MLLT3: variants seen among roughly 807,000 people sequenced by gnomAD.
The protein encoded by MLLT3 is protein AF-9.
Under a neutral mutation model 53.2 loss-of-function variants are expected in MLLT3, and 4 were observed. The observed-to-expected ratio is 0.08, with a 90% confidence interval of 0.04 to 0.17. The LOEUF is 0.17. Among genes scored for constraint, MLLT3 ranks in the 10% least tolerant of loss-of-function variants. The pLI is 1.00. For synonymous variants in MLLT3, 283 were observed against 230.6 expected, an observed-to-expected ratio of 1.23 and a Z score of -2.06; for missense variants, 569 against 684.0, an observed-to-expected ratio of 0.83 and a Z score of 1.87.
At chr9:20,381,959 G>A (rs1821919144) in intron 5 of MLLT3, among the ~76,000 whole-genome samples, 1 of 151,804 alleles carries the variant, frequency 6.6e-6, no homozygotes, top group East Asian at 1.9e-4. Flanking sequence ...ATAATCATGA[G>A]TTAAAAAATG....
rs909798958 is a variant in MLLT3 at position 20,435,915 on chromosome 9, T to C, written c.420+12208A>G. 2.6e-5 allele frequency among the ~76,000 whole-genome samples: 4 copies of C among 152,128 alleles called. No individual in the cohort carries two copies. In the East Asian group the frequency reaches 5.8e-4, roughly 22 times the overall value. Reference sequence around the variant, plus strand: ...ATAAATGCTAAGGACTGTACACGCATGGCGGGGTAGTGGAATATGACTATA... The same window carrying C: ...ATAAATGCTAAGGACTGTACACGCACGGCGGGGTAGTGGAATATGACTATA... On this transcript the variant is annotated intron_variant, in intron 4 of 10. Transcript: ENST00000380338.
chr9:20,518,316 A>C (rs1817969114), intron 2 of MLLT3, among the ~76,000 whole-genome samples: 1 of 152,236 alleles, frequency 6.6e-6, no homozygotes, highest in East Asian at 1.9e-4. Flanking sequence ...ATTGCACTCC[A>C]ACCTGGGCAA....
Position 20,590,176 on chromosome 9 carries a change from A to T in MLLT3, c.193+30478T>A, listed in dbSNP as rs1375267573. ...TTAGTAGGCTTCCAGAGCTGTAATT[A>T]CACACATTTCAATGGGCGTCAACTC... is the stretch of plus-strand genomic sequence containing the variant. On this transcript the variant is annotated intron_variant, in intron 2 of 10. Transcript: ENST00000380338. 2.6e-5 allele frequency among the ~76,000 whole-genome samples: 4 copies of T among 152,176 alleles called. No homozygotes were observed. In the South Asian group the frequency reaches 8.3e-4, roughly 32 times the overall value.
Position 20,414,330 on chromosome 9 carries a change from G to GCTA in MLLT3, c.515_516insTAG (p.Ser190dup). The GCTA allele has an allele frequency of 6.2e-7, 1 of 1,606,662 alleles. No homozygotes were observed. The highest frequency in any genetic ancestry group is 8.5e-7 in the Non-Finnish European group (1 of 1,177,930). Reference sequence around the variant, plus strand: ...TGCTGCTACTGCTGCTGCTGCTGCTGCTGCTGCTGCTGCTACTGCTGCTGC... The same window carrying GCTA: ...TGCTGCTACTGCTGCTGCTGCTGCTGCTACTGCTGCTGCTGCTACTGCTGCTGC... On this transcript the variant is annotated inframe_insertion, in exon 5 of 11. Transcript: ENST00000380338.
chr9:20,456,920 G>A (rs909465923), intron 2 of MLLT3, 134 bp from the exon 3 acceptor site: 1 of 619,640 alleles, frequency 1.6e-6, no homozygotes, highest in Non-Finnish European at 2.8e-6. Context: ...ACTCCCAGTT[G>A]AGTCTCCGAT....
chr9:20,517,593 T>C lies in MLLT3; in HGVS notation c.194-60807A>G, dbSNP rs530873388. On this transcript the variant is annotated intron_variant, in intron 2 of 10. Coordinates refer to ENST00000380338, the MANE Select transcript of MLLT3 (RefSeq NM_004529.4). Reference sequence around the variant, plus strand: ...GGCTCACGCCTATTATCCCAGCACTTTGGGAGGCTGAGGCAGATGGATCAC... The same window carrying C: ...GGCTCACGCCTATTATCCCAGCACTCTGGGAGGCTGAGGCAGATGGATCAC... Among the ~76,000 whole-genome samples the C allele has an allele frequency of 1.2e-3, 181 of 152,222 alleles. 2 individuals carry two copies. The highest frequency in any genetic ancestry group is 8.9e-3 in the South Asian group (43 of 4,820).
In MLLT3 at chr9:20,358,036, C is replaced by T. The variant is rs192052525; in HGVS notation, c.1431+2706G>A. ...ACACATTCAAATACGACTAAAAAGTCATTCCAGAGTGAAATTTAGTTGACT... is the reference window on the plus strand; with the variant it reads ...ACACATTCAAATACGACTAAAAAGTTATTCCAGAGTGAAATTTAGTTGACT... On this transcript the variant is annotated intron_variant, in intron 8 of 10. Transcript: ENST00000380338. 2.2e-4 allele frequency among the ~76,000 whole-genome samples: 33 copies of T among 149,848 alleles called. No homozygotes were observed. In the East Asian group the frequency reaches 6.5e-3, roughly 29 times the overall value.
intron 4 of MLLT3, among the ~76,000 whole-genome samples, chr9:20,425,089 T>G (rs1823110046): frequency 6.6e-6 from 1 of 152,120 alleles, no homozygotes; most frequent in Admixed American, 6.5e-5. Context: ...GGAAATAACT[T>G]TAGGATAACC....
At chr9:20,428,512 T>C (rs1048668699) in intron 4 of MLLT3, among the ~76,000 whole-genome samples, 13 of 152,184 alleles carry the variant, frequency 8.5e-5, no homozygotes, top group East Asian at 3.9e-4. Flanking sequence ...CTTCATCACA[T>C]TGAATGATAA....
chr9:20,484,024 A>C (rs1305127597), intron 2 of MLLT3, among the ~76,000 whole-genome samples: 1 of 152,012 alleles, frequency 6.6e-6, no homozygotes, highest in Admixed American at 6.6e-5. Flanking sequence ...TAAAACTCTT[A>C]ATTTAGCATA....
intron 10 of MLLT3, among the ~76,000 whole-genome samples, chr9:20,349,171 C>T (rs1466458238): frequency 6.6e-6 from 1 of 152,194 alleles, no homozygotes; most frequent in East Asian, 1.9e-4. Context: ...CAAGTTCTGA[C>T]TCTGCAAACT....
intron 4 of MLLT3, among the ~76,000 whole-genome samples, chr9:20,425,090 T>G (rs1365893925): frequency 6.6e-6 from 1 of 152,160 alleles, no homozygotes; most frequent in Non-Finnish European, 1.5e-5. Flanking sequence ...GAAATAACTT[T>G]AGGATAACCT....
At chr9:20,552,476 A>G (rs2119029455) in intron 2 of MLLT3, among the ~76,000 whole-genome samples, 1 of 152,270 alleles carries the variant, frequency 6.6e-6, no homozygotes, top group South Asian at 2.1e-4. Flanking sequence ...ACTAGCAGCT[A>G]GACTCTAGCT....
At chr9:20,539,563 C>T (rs770473369) in intron 2 of MLLT3, among the ~76,000 whole-genome samples, 2 of 152,094 alleles carry the variant, frequency 1.3e-5, no homozygotes, top group Non-Finnish European at 2.9e-5. Flanking sequence ...ACTTTTAAAC[C>T]ATCAATTCTT....
At chr9:20,444,170 G>C (rs957871111) in intron 4 of MLLT3, among the ~76,000 whole-genome samples, 19 of 151,996 alleles carry the variant, frequency 1.3e-4, no homozygotes, top group Admixed American at 3.9e-4. Context: ...AAGTGATAAG[G>C]GAATAGAGAG....
At chr9:20,386,678 T>A (rs1822046009) in intron 5 of MLLT3, among the ~76,000 whole-genome samples, 1 of 152,214 alleles carries the variant, frequency 6.6e-6, no homozygotes, top group African/African-American at 2.4e-5. Context: ...CAAGTGAATA[T>A]GTGACTACAT....
rs911470945 is a variant in MLLT3 at position 20,413,778 on chromosome 9, A to G, written c.1068T>C (p.Asp356=). The G allele has an allele frequency of 1.9e-6, 3 of 1,613,618 alleles. No homozygotes were observed. The highest frequency in any genetic ancestry group is 1.7e-6 in the Non-Finnish European group (2 of 1,179,786). ...EKKKSTLPPF[D]DIVDPNDSDV... is the part of the protein sequence containing the mutation. ...CTGAATCATTGGGATCCACAATATC[A>G]TCAAATGGCGGTAACGTTGATTTCT... The change falls in exon 5 of 11, where the codon GAT becomes GAC. Residue 356 remains aspartate, a synonymous_variant. Coordinates refer to ENST00000380338, the MANE Select transcript of MLLT3 (RefSeq NM_004529.4).
intron 2 of MLLT3, among the ~76,000 whole-genome samples, chr9:20,555,241 C>T (rs1179670046): frequency 6.6e-6 from 1 of 152,030 alleles, no homozygotes; most frequent in African/African-American, 2.4e-5. Flanking sequence ...ATTTTCATGC[C>T]GGAAATAGCA....
chr9:20,524,014 T>C (rs999612521), intron 2 of MLLT3, among the ~76,000 whole-genome samples: 3 of 150,634 alleles, frequency 2.0e-5, no homozygotes, highest in Non-Finnish European at 1.5e-5. Context: ...GATCAATGGT[T>C]GTCAGGGGTC....
Sources: gnomAD v4.1 joint callset for allele counts (sites outside exome capture counted in the v4.1 genomes callset) on GRCh38, gnomAD v4.1.1 for gene constraint, MANE v1.5 for transcripts, NCBI Gene and HGNC (gene_info 2026-07-23, HGNC 2026-07-21) for gene names.